UGGT2: variants seen among roughly 807,000 people sequenced by gnomAD.
The protein encoded by UGGT2 is UDP-glucose glycoprotein glucosyltransferase 2.
UGGT2 carries 180 observed loss-of-function variants against 192.1 expected under a neutral mutation model. That is an observed-to-expected ratio of 0.94 (90% CI 0.83 to 1.06). UGGT2 has a LOEUF of 1.06. Ranked by LOEUF, UGGT2 falls within the 50% of genes least tolerant of loss-of-function variation. UGGT2 has a pLI of 0.00. For synonymous variants in UGGT2, 580 were observed against 591.0 expected (o/e 0.98, Z 0.27); for missense variants, 1,849 against 1,795.7 (o/e 1.03, Z -0.54).
chr13:95,981,920 T>C (rs952775054), intron 10 of UGGT2, among the ~76,000 whole-genome samples: 1 of 152,194 alleles, frequency 6.6e-6, no homozygotes. Flanking sequence ...TTAGCCTAGA[T>C]TAGTTACATG....
At position 95,806,751 on chromosome 13, in the gene UGGT2, A is replaced by G. The variant is rs903664970; in HGVS notation, c.4529-4939T>C. ...AAATCCTTGCATATATGATCAAATGATTCTGACAAGGGTGTTCAGACCATT... is the reference window on the plus strand; with the variant it reads ...AAATCCTTGCATATATGATCAAATGGTTCTGACAAGGGTGTTCAGACCATT... On this transcript the variant is annotated intron_variant, in intron 38 of 38. Coordinates refer to ENST00000376747, the MANE Select transcript of UGGT2 (RefSeq NM_020121.4). Among the ~76,000 whole-genome samples the G allele has an allele frequency of 6.6e-5, 10 of 152,302 alleles. No individual in the cohort carries two copies. In the East Asian group the frequency reaches 1.7e-3, roughly 26 times the overall value.
In UGGT2 at chr13:96,053,173, G is replaced by T; in HGVS notation, c.140C>A (p.Pro47Gln). 2.0e-6 allele frequency: 3 copies of T among 1,515,284 alleles called. No homozygotes were observed. The highest frequency in any genetic ancestry group is 2.6e-6 in the Non-Finnish European group (3 of 1,136,822). 93.9% of individuals were successfully genotyped at this position (1,515,284 alleles called of 1,614,324 possible). Residue 47 changes from proline to glutamine, a missense_variant, in exon 1 of 39, where the codon CCG (proline) becomes CAG (glutamine). Coordinates refer to ENST00000376747, the MANE Select transcript of UGGT2 (RefSeq NM_020121.4). ...CACCCACCTTGCCTCCAGCAGCAGC[G>T]GGGTCTCGGGCCACTTCGCGGCCAA... ...AHLAAKWPETPLLLEASEFMA... is the reference protein window; with the variant it reads ...AHLAAKWPETQLLLEASEFMA...
At chr13:96,047,304 C>T (rs962815008) in intron 1 of UGGT2, among the ~76,000 whole-genome samples, 2 of 152,276 alleles carry the variant, frequency 1.3e-5, no homozygotes, top group African/African-American at 2.4e-5. Context: ...CAACATTTGC[C>T]GTTCTGCAAT....
At chr13:96,041,098 A>C (rs2053151972) in intron 1 of UGGT2, among the ~76,000 whole-genome samples, 1 of 152,186 alleles carries the variant, frequency 6.6e-6, no homozygotes, top group Non-Finnish European at 1.5e-5. Context: ...AGAAAAGCCA[A>C]GAGAACCCAC....
At chr13:95,979,560 A>AAAAAAAAAAAAAAAAC (rs1444306030) in intron 10 of UGGT2, among the ~76,000 whole-genome samples, 1 of 151,370 alleles carries the variant, frequency 6.6e-6, no homozygotes, top group African/African-American at 2.4e-5. Context: ...AAAAAAAAAA[A>AAAAAAAAAAAAAAAAC]AATACAGACT....
chr13:95,908,434 A>G (rs923305158), intron 20 of UGGT2, among the ~76,000 whole-genome samples: 2 of 152,282 alleles, frequency 1.3e-5, no homozygotes, highest in Non-Finnish European at 2.9e-5. Flanking sequence ...AACAACCCCA[A>G]GACACATAAT....
At chr13:95,974,048 C>T (rs527991990) in intron 10 of UGGT2, among the ~76,000 whole-genome samples, 83 of 152,284 alleles carry the variant, frequency 5.5e-4, no homozygotes, top group African/African-American at 2.0e-3. Context: ...GAGGAAGCAA[C>T]TAACTTGAAG....
chr13:95,906,095 A>C (rs540302983), intron 20 of UGGT2, among the ~76,000 whole-genome samples: 1 of 152,258 alleles, frequency 6.6e-6, no homozygotes, highest in African/African-American at 2.4e-5. Context: ...CAGTAAAGCA[A>C]TTATCACTTT....
At chr13:95,906,248 T>C (rs2048287421) in intron 20 of UGGT2, among the ~76,000 whole-genome samples, 1 of 152,210 alleles carries the variant, frequency 6.6e-6, no homozygotes, top group Non-Finnish European at 1.5e-5. Context: ...TTAAACTGCA[T>C]TTCTCGTTTG....
intron 30 of UGGT2, among the ~76,000 whole-genome samples, chr13:95,866,049 G>A (rs1890626625): frequency 6.6e-6 from 1 of 152,088 alleles, no homozygotes; most frequent in Non-Finnish European, 1.5e-5. Flanking sequence ...GTGTGTGTGT[G>A]TGTTAATGCT....
At chr13:96,009,034 G>A (rs1434534685) in intron 5 of UGGT2, among the ~76,000 whole-genome samples, 1 of 152,122 alleles carries the variant, frequency 6.6e-6, no homozygotes, top group Non-Finnish European at 1.5e-5. Context: ...CAGAAATAAT[G>A]TCACACACCT....
At position 95,821,769 on chromosome 13, in the gene UGGT2, C is replaced by T. The variant is rs544863389; in HGVS notation, c.4528+11158G>A. On this transcript the variant is annotated intron_variant, in intron 38 of 38. Transcript: ENST00000376747. ...TGAGAAATGGGGATGTGGTTTCATTCTTCTATATGTGGCTTGCAAGTTTTC... is the reference window on the plus strand; with the variant it reads ...TGAGAAATGGGGATGTGGTTTCATTTTTCTATATGTGGCTTGCAAGTTTTC... 7.9e-5 allele frequency among the ~76,000 whole-genome samples: 12 copies of T among 152,084 alleles called. No homozygotes were observed. In the South Asian group the frequency reaches 2.1e-3, roughly 26 times the overall value.
chr13:95,898,762 T>C (rs2048019810), intron 22 of UGGT2, among the ~76,000 whole-genome samples: 1 of 152,130 alleles, frequency 6.6e-6, no homozygotes, highest in African/African-American at 2.4e-5. Flanking sequence ...ATCCCCTTTT[T>C]GCCCCACTGC....
chr13:96,006,751 A>G (rs1160936303), intron 5 of UGGT2, among the ~76,000 whole-genome samples: 1 of 152,142 alleles, frequency 6.6e-6, no homozygotes, highest in Non-Finnish European at 1.5e-5. Flanking sequence ...AGCAAACAAC[A>G]GCAAGAAACT....
intron 33 of UGGT2, among the ~76,000 whole-genome samples, chr13:95,858,352 AT>A (rs1889820660): frequency 1.3e-5 from 2 of 152,030 alleles, no homozygotes; most frequent in South Asian, 4.2e-4. Context: ...TAATGATGTT[AT>A]TTGTAGTGAG....
intron 17 of UGGT2, among the ~76,000 whole-genome samples, chr13:95,928,042 T>C (rs1033189288): frequency 6.6e-6 from 1 of 152,348 alleles, no homozygotes. Context: ...CAGAACAAAA[T>C]GGAGTCTCCT....
rs537368738 is a variant in UGGT2 at position 96,016,081 on chromosome 13, C to T, written c.486-2600G>A. Among the ~76,000 whole-genome samples the T allele has an allele frequency of 6.3e-4, 96 of 152,228 alleles. 1 individual carries two copies. Among genetic ancestry groups the T allele is most frequent in the African/African-American group, 2.0e-3 (81 of 41,534 alleles). On this transcript the variant is annotated intron_variant, in intron 4 of 38. Transcript: ENST00000376747. ...TTAAGACGTTTGGTGGAAGAAATTT[C>T]GAAGCAGCAAAGTATTCAAGAAGTG... is the stretch of plus-strand genomic sequence containing the variant.
At chr13:95,889,381 AC>A (rs1369084086) in intron 25 of UGGT2, among the ~76,000 whole-genome samples, 2 of 152,144 alleles carry the variant, frequency 1.3e-5, no homozygotes, top group Non-Finnish European at 2.9e-5. Flanking sequence ...ATTTGTCTCC[AC>A]TAATAAAATC....
chr13:95,961,567 T>C (rs1038833076), intron 12 of UGGT2, among the ~76,000 whole-genome samples: 7 of 152,094 alleles, frequency 4.6e-5, no homozygotes, highest in Non-Finnish European at 8.8e-5. Context: ...TAAACATATA[T>C]GCACCCAAAC....
Sources: allele counts gnomAD v4.1 joint callset (sites outside exome capture counted in the v4.1 genomes callset), GRCh38; gene constraint gnomAD v4.1.1; transcripts MANE v1.5; gene names NCBI Gene and HGNC (gene_info 2026-07-23, HGNC 2026-07-21).